GNA11: variants seen among roughly 807,000 people sequenced by gnomAD.
GNA11 encodes G protein subunit alpha 11.
A neutral mutation model predicts 38.2 loss-of-function variants in GNA11; 8 were observed. The ratio of observed to expected loss-of-function variants is 0.21; its 90% confidence interval spans 0.12 to 0.38. GNA11 has a LOEUF of 0.38. Ranked by LOEUF, GNA11 falls within the 10% of genes least tolerant of loss-of-function variation. The probability of loss-of-function intolerance (pLI) is 1.00; values close to 1 mark genes in which losing one functional copy is unlikely to be tolerated. For missense variants in GNA11, 268 were observed against 516.3 expected (o/e 0.52, Z 4.66); for synonymous variants, 211 against 221.4 (o/e 0.95, Z 0.42).
chr19:3,097,479 G>A (rs1309610510), intron 1 of GNA11, among the ~76,000 whole-genome samples: 1 of 152,190 alleles, frequency 6.6e-6, no homozygotes, highest in Non-Finnish European at 1.5e-5. Flanking sequence ...GGGTGGTGCT[G>A]GTTTCTTCCA....
At position 3,122,565 on chromosome 19, in the gene GNA11, CTG is replaced by C. The variant is rs956936867; in HGVS notation, c.*1390_*1391del. 1.3e-5 allele frequency: 3 copies of C among 232,972 alleles called. No individual in the cohort carries two copies. Among genetic ancestry groups the C allele is most frequent in the African/African-American group, 2.2e-5 (1 of 45,316 alleles). 14.4% of individuals were successfully genotyped at this position (232,972 alleles called of 1,614,324 possible). A position where few individuals can be genotyped will look rare whatever the true frequency, so the allele number is the denominator to read the frequency against. On this transcript the variant is annotated 3_prime_UTR_variant, in exon 7 of 7. Coordinates refer to ENST00000078429, the MANE Select transcript of GNA11 (RefSeq NM_002067.5). The surrounding 1 kb of genome is among the most constrained non-coding windows in gnomAD (Gnocchi z 7.7). ...ACTCGGAAGGTGGGGAACGAGGGGACTGTGTTTGGGGAGGTGGCTTTTTCGTC... is the reference window on the plus strand; with the variant it reads ...ACTCGGAAGGTGGGGAACGAGGGGACTGTTTGGGGAGGTGGCTTTTTCGTC...
chr19:3,122,155 G>A lies in GNA11; in HGVS notation c.*976G>A, dbSNP rs868218446. The A allele has an allele frequency of 2.6e-5, 6 of 233,184 alleles. No homozygotes were observed. Among genetic ancestry groups the A allele is most frequent in the East Asian group, 6.0e-5 (1 of 16,570 alleles). The allele number at this position is 233,184 out of a possible 1,614,324, so 14.4% of individuals were successfully genotyped here. A position where few individuals can be genotyped will look rare whatever the true frequency, so the allele number is the denominator to read the frequency against. On this transcript the variant is annotated 3_prime_UTR_variant, in exon 7 of 7. Coordinates refer to ENST00000078429, the MANE Select transcript of GNA11 (RefSeq NM_002067.5). The surrounding 1 kb of genome is among the most constrained non-coding windows in gnomAD (Gnocchi z 7.7). ...GGAGAAAGGCCACTTGGATGGGGGC[G>A]TTTCTGTTTTGTTCCGCTTTGTGAT...
chr19:3,113,219 T>G (rs1913819620), intron 2 of GNA11, 111 bp from the exon 3 acceptor site: 1 of 1,001,292 alleles, frequency 1.0e-6, no homozygotes. Flanking sequence ...CTGCACAGCC[T>G]GCGGAATGCC....
rs936816319 is a variant in GNA11 at position 3,108,107 on chromosome 19, C to T, written c.137-2042C>T. On this transcript the variant is annotated intron_variant, in intron 1 of 6. Coordinates refer to ENST00000078429, the MANE Select transcript of GNA11 (RefSeq NM_002067.5). The surrounding 1 kb of genome is among the most constrained non-coding windows in gnomAD (Gnocchi z 4.5). ...GCAGCTGCCACCGGGGCTCCCCACT[C>T]GGGATGTGTTGGGTGTTTTGCGAGA... Among the ~76,000 whole-genome samples the T allele has an allele frequency of 1.3e-5, 2 of 152,182 alleles. No homozygotes were observed. Among genetic ancestry groups the T allele is most frequent in the Non-Finnish European group, 2.9e-5 (2 of 68,016 alleles).
At chr19:3,099,897 C>T (rs1044752224) in intron 1 of GNA11, among the ~76,000 whole-genome samples, 1 of 152,190 alleles carries the variant, frequency 6.6e-6, no homozygotes, top group East Asian at 1.9e-4. Context: ...GAGCCTACCT[C>T]TGCCTCTTGT....
chr19:3,109,474 G>C (rs1370176149), intron 1 of GNA11, among the ~76,000 whole-genome samples: 1 of 152,244 alleles, frequency 6.6e-6, no homozygotes, highest in South Asian at 2.1e-4. Context: ...AGCATTGTGG[G>C]TATTAGCAAG....
At chr19:3,115,171 A>G (rs2145321527) in intron 4 of GNA11, 99 bp downstream of exon 4, 4 of 1,372,758 alleles carry the variant, frequency 2.9e-6, no homozygotes, top group Non-Finnish European at 4.1e-6. Context: ...TGGGAGGCCA[A>G]GGCGGGAGGA....
chr19:3,121,981 C>T lies in GNA11; in HGVS notation c.*802C>T, dbSNP rs1914092014. The T allele has an allele frequency of 4.3e-6, 1 of 233,292 alleles. No individual in the cohort carries two copies. The allele number at this position is 233,292 out of a possible 1,614,324, so 14.5% of individuals were successfully genotyped here. ...CCGGGCTGGAGCCACGGGGGCTTCT[C>T]TGGGCTGTGCCTCCGGGGCCAACAC... On this transcript the variant is annotated 3_prime_UTR_variant, in exon 7 of 7. Transcript: ENST00000078429.
intron 1 of GNA11, among the ~76,000 whole-genome samples, chr19:3,100,945 A>T (rs1913487805): frequency 6.6e-6 from 1 of 152,078 alleles, no homozygotes; most frequent in African/African-American, 2.4e-5. Context: ...CTGCGGAGTA[A>T]CCCTGGGCGG....
chr19:3,117,350 A>T (rs544630853), intron 4 of GNA11: 6 of 151,940 alleles, frequency 3.9e-5, no homozygotes, highest in African/African-American at 1.5e-4. Context: ...CCCCCTCTCC[A>T]CCATCTTCCA....
chr19:3,095,815 C>T (rs780956389), intron 1 of GNA11, among the ~76,000 whole-genome samples: 2 of 152,052 alleles, frequency 1.3e-5, no homozygotes, highest in Non-Finnish European at 2.9e-5. Flanking sequence ...AGAGCAGCCC[C>T]CCACCTGCCG....
rs369984235 is a variant in GNA11, at chr19:3,121,896, A to T, written c.*717A>T. The T allele has an allele frequency of 1.5e-3, 344 of 232,560 alleles. 1 individual carries two copies. The highest frequency in any genetic ancestry group is 7.0e-3 in the African/African-American group (319 of 45,340). 14.4% of individuals were successfully genotyped at this position (232,560 alleles called of 1,614,324 possible). On this transcript the variant is annotated 3_prime_UTR_variant, in exon 7 of 7. Transcript: ENST00000078429. ...CGCCTGACTCACAGGTTGAAGAAAC[A>T]CCCTGGGCCCTCTCTCATGGCCGGG...
Position 3,123,461 on chromosome 19 carries a change from C to T in GNA11, c.*2282C>T, listed in dbSNP as rs1914137712. ...TGCCAGTGGCACCCAGGGGCAAGGA[C>T]AGCCAACCCCCACCCTTGCCACGTG... On this transcript the variant is annotated 3_prime_UTR_variant, in exon 7 of 7. Transcript: ENST00000078429. 7 of 233,366 alleles carry T rather than the reference C, an allele frequency of 3.0e-5. No homozygotes were observed. Among genetic ancestry groups the T allele is most frequent in the East Asian group, 2.4e-4 (4 of 16,584 alleles). The allele number at this position is 233,366 out of a possible 1,614,324, so 14.5% of individuals were successfully genotyped here. A position where few individuals can be genotyped will look rare whatever the true frequency, so the allele number is the denominator to read the frequency against.
chr19:3,107,660 T>A (rs1913671399), intron 1 of GNA11, among the ~76,000 whole-genome samples: 1 of 152,088 alleles, frequency 6.6e-6, no homozygotes. Flanking sequence ...CTGGGGGCAG[T>A]CTTGACCCAT....
Position 3,123,012 on chromosome 19 carries a change from C to T in GNA11, c.*1833C>T, listed in dbSNP as rs1055731880. On this transcript the variant is annotated 3_prime_UTR_variant, in exon 7 of 7. Coordinates refer to ENST00000078429, the MANE Select transcript of GNA11 (RefSeq NM_002067.5). ...AGCGTCCTTTTTTTGTGCCAGGTGT[C>T]TACCTAAGAGGGTTGGTGCCAGAAG... 5 of 233,068 alleles carry T rather than the reference C, an allele frequency of 2.1e-5. No individual in the cohort carries two copies. Among genetic ancestry groups the T allele is most frequent in the Admixed American group, 5.6e-5 (1 of 17,772 alleles). The allele number at this position is 233,068 out of a possible 1,614,324, so 14.4% of individuals were successfully genotyped here. A position where few individuals can be genotyped will look rare whatever the true frequency, so the allele number is the denominator to read the frequency against.
chr19:3,118,624 C>T (rs554810285), intron 4 of GNA11: 5 of 359,916 alleles, frequency 1.4e-5, no homozygotes, highest in African/African-American at 4.1e-5. Flanking sequence ...CGCAGGTTCC[C>T]GCAGCAGCTG....
chr19:3,101,109 G>A (rs1235523234), intron 1 of GNA11, among the ~76,000 whole-genome samples: 1 of 152,192 alleles, frequency 6.6e-6, no homozygotes, highest in Non-Finnish European at 1.5e-5. Context: ...TTTCTCTTCT[G>A]TCAAACTGTG....
At chr19:3,099,141 G>C (rs1236407829) in intron 1 of GNA11, among the ~76,000 whole-genome samples, 1 of 152,210 alleles carries the variant, frequency 6.6e-6, no homozygotes, top group African/African-American at 2.4e-5. Flanking sequence ...TGGGCAGCAC[G>C]GGGAGGACGC....
intron 1 of GNA11, among the ~76,000 whole-genome samples, chr19:3,103,709 T>A (rs1025253567): frequency 2.8e-5 from 4 of 144,798 alleles, no homozygotes; most frequent in South Asian, 4.3e-4. Flanking sequence ...TTTTTGTAAA[T>A]TTTTTTTTTT....
Sources: allele counts gnomAD v4.1 joint callset (sites outside exome capture counted in the v4.1 genomes callset), GRCh38; gene constraint gnomAD v4.1.1; non-coding constraint Gnocchi (gnomAD v3.1); transcripts MANE v1.5; gene names NCBI Gene and HGNC (gene_info 2026-07-23, HGNC 2026-07-21).